GOSR2: variants seen among roughly 807,000 people sequenced by gnomAD.
GOSR2 encodes the protein 27 kDa Golgi SNARE protein.
GOSR2 carries 20 observed loss-of-function variants against 27.9 expected under a neutral mutation model. The ratio of observed to expected loss-of-function variants is 0.72; its 90% CI spans 0.50 to 1.04. The LOEUF (loss-of-function observed/expected upper bound fraction) is 1.04, where lower values mean the gene tolerates loss of function less well. GOSR2 is among the 50% of genes least tolerant of loss of function. The pLI, the probability that GOSR2 is intolerant of heterozygous loss-of-function variation, is 0.00. For synonymous variants in GOSR2, 91 were observed against 98.8 expected (o/e 0.92, Z 0.47); for missense variants, 261 against 270.5 (o/e 0.97, Z 0.25).
At chr17:46,925,363 G>A (rs1353608130) in intron 1 of GOSR2, among the ~76,000 whole-genome samples, 1 of 152,216 alleles carries the variant, frequency 6.6e-6, no homozygotes, top group Non-Finnish European at 1.5e-5. Flanking sequence ...TATTTATTGA[G>A]CACCTACTAT....
At chr17:46,946,284 A>C (rs1298306805), downstream of GOSR2, among the ~76,000 whole-genome samples, 2 of 6,638 alleles carry the variant, frequency 3.0e-4, no homozygotes, top group Admixed American at 0.01. Context: ...AAAAATACCA[A>C]AAAAAAAAAA....
chr17:46,938,595 C>G lies in GOSR2; in HGVS notation c.478-4C>G, dbSNP rs777442803. 4 of 1,613,088 alleles carry G rather than the reference C, an allele frequency of 2.5e-6. No individual in the cohort carries two copies. In the African/African-American group the frequency reaches 4.0e-5, roughly 16 times the overall value. On this transcript the variant is annotated splice_polypyrimidine_tract_variant and splice_region_variant and intron_variant, in intron 5 of 5. Coordinates refer to ENST00000640051, the MANE Select transcript of GOSR2 (RefSeq NM_004287.5). ...GTTTTTTTTTCTGTTCTCTTCTGCC[C>G]CAGGGGACTCAGAAGAAGATCCTTG...
At position 46,940,226 on chromosome 17, in the gene GOSR2, G is replaced by A; in HGVS notation, c.*1466G>A. On this transcript the variant is annotated 3_prime_UTR_variant, in exon 6 of 6. Coordinates refer to ENST00000640051, the MANE Select transcript of GOSR2 (RefSeq NM_004287.5). ...TTCTTAATTGTCATAGATTAACTGAGTTTCCTGGATGCTAATTTCACACTT... is the reference window on the plus strand; with the variant it reads ...TTCTTAATTGTCATAGATTAACTGAATTTCCTGGATGCTAATTTCACACTT... 1 of 1,420,054 alleles carries A rather than the reference G, an allele frequency of 7.0e-7. No individual in the cohort carries two copies. Among genetic ancestry groups the A allele is most frequent in the South Asian group, 1.6e-5 (1 of 63,664 alleles). The allele number at this position is 1,420,054 out of a possible 1,614,324, so 88.0% of individuals were successfully genotyped here. A position where few individuals can be genotyped will look rare whatever the true frequency, so the allele number is the denominator to read the frequency against.
intron 6 of GOSR2, among the ~76,000 whole-genome samples, chr17:46,950,752 G>A (rs2090276751): frequency 6.6e-6 from 1 of 152,176 alleles, no homozygotes. Context: ...TCTGTGGTGG[G>A]GTAGTTCAGT....
chr17:46,941,854 A>C lies in GOSR2; in HGVS notation c.*3094A>C, dbSNP rs2089324992. The stretch of plus-strand genomic sequence containing the variant: ...GCCTGCTTCGGCCTCCCAAAGTTCT[A>C]GGGTTACAGGTGTTAGCCACTGTAC... On this transcript the variant is annotated 3_prime_UTR_variant, in exon 6 of 6. Coordinates refer to ENST00000640051, the MANE Select transcript of GOSR2 (RefSeq NM_004287.5). 1.2e-6 allele frequency: 1 copy of C among 852,112 alleles called. No individual in the cohort carries two copies. Among genetic ancestry groups the C allele is most frequent in the South Asian group, 5.4e-5 (1 of 18,560 alleles). 52.8% of individuals were successfully genotyped at this position (852,112 alleles called of 1,614,324 possible).
downstream of GOSR2, among the ~76,000 whole-genome samples, chr17:46,967,474 G>A (rs1568218870): frequency 1.3e-5 from 2 of 152,216 alleles, no homozygotes; most frequent in African/African-American, 4.8e-5. Flanking sequence ...TCATGGGTGA[G>A]GTTGTACTTG....
intron 6 of GOSR2, among the ~76,000 whole-genome samples, chr17:46,961,703 A>G (rs2091059386): frequency 6.6e-6 from 1 of 152,240 alleles, no homozygotes; most frequent in South Asian, 2.1e-4. Context: ...TACCTAAAAT[A>G]TAACGACATA....
At chr17:46,925,013 A>G (rs888220495) in intron 1 of GOSR2, among the ~76,000 whole-genome samples, 4 of 152,198 alleles carry the variant, frequency 2.6e-5, no homozygotes, top group African/African-American at 9.7e-5. Context: ...ATCACAGAGA[A>G]AACTGCATGG....
At chr17:46,931,737 AG>A (rs2087423673) in intron 3 of GOSR2, 1 of 387,358 alleles carries the variant, frequency 2.6e-6, no homozygotes, top group Non-Finnish European at 4.7e-6. Flanking sequence ...GGCTTCTTCC[AG>A]GAGAGCCATA....
rs574466586 is a variant in GOSR2 at position 46,931,702 on chromosome 17, A to C, written c.204-365A>C. ...CCAAAAGTTTTATGAAACTTTGTGG[A>C]TGCTTTACCTCAAAGATGCCCTTGG... On this transcript the variant is annotated intron_variant, in intron 3 of 5. Transcript: ENST00000640051. 1.2e-5 allele frequency: 4 copies of C among 326,794 alleles called. No homozygotes were observed. In the South Asian group the frequency reaches 1.4e-4, roughly 12 times the overall value. 20.2% of individuals were successfully genotyped at this position (326,794 alleles called of 1,614,324 possible).
downstream of GOSR2, among the ~76,000 whole-genome samples, chr17:46,944,668 C>T (rs986046845): frequency 2.0e-5 from 3 of 151,346 alleles, no homozygotes; most frequent in African/African-American, 4.9e-5. Context: ...GGTGCAATCT[C>T]GGCTCACTGC....
intron 6 of GOSR2, among the ~76,000 whole-genome samples, chr17:46,950,610 A>G (rs909479872): frequency 1.3e-5 from 2 of 152,228 alleles, no homozygotes; most frequent in East Asian, 3.9e-4. Context: ...AATTTCCACC[A>G]TGTGAACTTA....
chr17:46,967,740 T>G (rs932853028), downstream of GOSR2, among the ~76,000 whole-genome samples: 2 of 152,094 alleles, frequency 1.3e-5, no homozygotes, highest in African/African-American at 2.4e-5. Context: ...CAACAGAGAC[T>G]GACTACAGGC....
chr17:46,935,391 C>T, intron 5 of GOSR2: 1 of 1,438,668 alleles, frequency 7.0e-7, no homozygotes, highest in Non-Finnish European at 9.1e-7. Context: ...ATGAAGTGGC[C>T]TCTCTTAGGA....
intron 1 of GOSR2, among the ~76,000 whole-genome samples, chr17:46,924,904 A>G (rs1267243114): frequency 6.6e-6 from 1 of 152,220 alleles, no homozygotes; most frequent in African/African-American, 2.4e-5. Flanking sequence ...TATCTAGTTA[A>G]TTTAGTTAAA....
chr17:46,944,664 A>G (rs1337565136), downstream of GOSR2, among the ~76,000 whole-genome samples: 2 of 150,652 alleles, frequency 1.3e-5, no homozygotes, highest in Admixed American at 6.6e-5. Context: ...CAATGGTGCA[A>G]TCTCGGCTCA....
intron 1 of GOSR2, chr17:46,923,575 C>T (rs2146702581): frequency 1.5e-6 from 2 of 1,302,930 alleles, no homozygotes; most frequent in South Asian, 2.7e-5. Flanking sequence ...AGAGGAGACA[C>T]GGAGTAGGAG....
downstream of GOSR2, among the ~76,000 whole-genome samples, chr17:46,967,322 TGTAAA>T (rs2091345435): frequency 6.6e-6 from 1 of 152,312 alleles, no homozygotes; most frequent in East Asian, 1.9e-4. Flanking sequence ...TTTCCTCAAA[TGTAAA>T]GTAAAAATGG....
At chr17:46,936,006 G>C in intron 5 of GOSR2, 1 of 985,840 alleles carries the variant, frequency 1.0e-6, no homozygotes, top group Non-Finnish European at 1.2e-6. Context: ...TGTTGAGTCT[G>C]TCAGCTCCAC....
Sources: gnomAD v4.1 joint callset for allele counts (sites outside exome capture counted in the v4.1 genomes callset) on GRCh38, gnomAD v4.1.1 for gene constraint, MANE v1.5 for transcripts, NCBI Gene and HGNC (gene_info 2026-07-23, HGNC 2026-07-21) for gene names.